FGF14: variants seen among roughly 807,000 people sequenced by gnomAD.
FGF14 encodes the protein fibroblast growth factor 14.
A neutral mutation model predicts 25.5 loss-of-function variants in FGF14; 5 were observed. The ratio of observed to expected loss-of-function variants is 0.20; its 90% CI spans 0.10 to 0.41. The LOEUF (loss-of-function observed/expected upper bound fraction) is 0.41, where lower values mean the gene tolerates loss of function less well. Among genes scored for constraint, FGF14 ranks in the 10% least tolerant of loss-of-function variants. The probability of loss-of-function intolerance (pLI) is 1.00; values close to 1 mark genes in which losing one functional copy is unlikely to be tolerated. For missense variants in FGF14, 222 were observed against 320.1 expected, an observed-to-expected ratio of 0.69 and a Z score of 2.34; for synonymous variants, 138 against 118.3, an observed-to-expected ratio of 1.17 and a Z score of -1.08.
In FGF14 at chr13:102,119,412, C is replaced by G. The variant is rs1275106499; in HGVS notation, c.209-244116G>C. 2.0e-5 allele frequency among the ~76,000 whole-genome samples: 3 copies of G among 152,012 alleles called. No individual in the cohort carries two copies. The South Asian group carries it at 6.2e-4, about 32-fold the overall frequency. On this transcript the variant is annotated intron_variant, in intron 1 of 4. Coordinates refer to the FGF14 transcript ENST00000376131. Reference sequence around the variant, plus strand: ...CACAATAACCAATGCAATGCAATAACCTTGATTGGATCCTGGATAAGAAAA... The same window carrying G: ...CACAATAACCAATGCAATGCAATAAGCTTGATTGGATCCTGGATAAGAAAA...
chr13:101,913,685 C>T (rs1169562592), intron 1 of FGF14, among the ~76,000 whole-genome samples: 3 of 151,830 alleles, frequency 2.0e-5, no homozygotes, highest in African/African-American at 7.3e-5. Flanking sequence ...GGTCTCTGCA[C>T]ACACATTGCT....
chr13:101,844,318 G>T (rs1410014142), intron 3 of FGF14, among the ~76,000 whole-genome samples: 1 of 151,996 alleles, frequency 6.6e-6, no homozygotes, highest in Non-Finnish European at 1.5e-5. Flanking sequence ...AAACATGTTT[G>T]TTGCACTCTC....
intron 1 of FGF14, among the ~76,000 whole-genome samples, chr13:102,123,900 G>A (rs558291059): frequency 3.2e-4 from 48 of 152,234 alleles, no homozygotes; most frequent in South Asian, 1.0e-3. Flanking sequence ...ATAAATGATC[G>A]TAGTTAATGG....
intron 2 of FGF14, among the ~76,000 whole-genome samples, chr13:101,871,580 T>C (rs1387461501): frequency 6.6e-6 from 1 of 151,982 alleles, no homozygotes; most frequent in Non-Finnish European, 1.5e-5. Context: ...GTTAATAGTG[T>C]ATTGATATCT....
At chr13:102,401,829 GA>G (rs1331324353), upstream of FGF14, 16 of 713,156 alleles carry the variant, frequency 2.2e-5, no homozygotes, top group East Asian at 4.0e-4. Flanking sequence ...AAGGGTTGGA[GA>G]AAAAATCCTT....
chr13:101,783,401 C>T (rs1251094159), intron 3 of FGF14, among the ~76,000 whole-genome samples: 1 of 150,536 alleles, frequency 6.6e-6, no homozygotes, highest in African/African-American at 2.4e-5. Flanking sequence ...ACCCAGGAGG[C>T]GGAGATTGCA....
chr13:101,812,296 A>T (rs774573289), intron 3 of FGF14, among the ~76,000 whole-genome samples: 1 of 152,094 alleles, frequency 6.6e-6, no homozygotes, highest in East Asian at 1.9e-4. Flanking sequence ...TCTGAGGACC[A>T]TAGACTCCCA....
chr13:101,728,887 G>C (rs1439566292), intron 3 of FGF14, among the ~76,000 whole-genome samples: 1 of 152,076 alleles, frequency 6.6e-6, no homozygotes, highest in Non-Finnish European at 1.5e-5. Context: ...ATTCTCTTCT[G>C]ATCGTCACTG....
intron 1 of FGF14, among the ~76,000 whole-genome samples, chr13:102,057,399 T>C (rs1232858800): frequency 1.3e-5 from 2 of 152,184 alleles, no homozygotes; most frequent in Admixed American, 6.5e-5. Context: ...GCTCTTTACG[T>C]GTATGGAATA....
chr13:102,047,148 C>A (rs983724651), intron 1 of FGF14, among the ~76,000 whole-genome samples: 43 of 151,866 alleles, frequency 2.8e-4, no homozygotes, highest in African/African-American at 1.0e-3. Flanking sequence ...GATAAGAGAA[C>A]AAAATATTTA....
chr13:101,771,513 C>T (rs907864790), intron 3 of FGF14, among the ~76,000 whole-genome samples: 2 of 152,026 alleles, frequency 1.3e-5, no homozygotes, highest in African/African-American at 4.8e-5. Context: ...CTAAAATGAA[C>T]ACTTTAAATA....
chr13:102,059,589 G>A (rs922367895), intron 1 of FGF14, among the ~76,000 whole-genome samples: 1 of 152,188 alleles, frequency 6.6e-6, no homozygotes, highest in Non-Finnish European at 1.5e-5. Context: ...AGTGACTCAC[G>A]CCTGTAATCC....
In FGF14 at chr13:102,039,385, G is replaced by A. The variant is rs188271957; in HGVS notation, c.209-164089C>T. Among the ~76,000 whole-genome samples, 1,189 of 152,186 alleles carry A rather than the reference G, an allele frequency of 7.8e-3. 9 individuals are homozygous for A. The highest frequency in any genetic ancestry group is 0.027 in the African/African-American group (1,119 of 41,524). ...CTCCTGTAAGGAAGTACTACAGACC[G>A]CGTGGCTCAGAACAGCAGGCATTCA... On this transcript the variant is annotated intron_variant, in intron 1 of 4. Coordinates refer to the FGF14 transcript ENST00000376131.
In FGF14 at chr13:101,916,407, G is replaced by A. The variant is rs186807535; in HGVS notation, c.193+46C>T. On this transcript the variant is annotated intron_variant, in intron 1 of 4. Transcript: ENST00000376143. ...CCTGGAGAAGCTCCGTTTAGGCGGGGAGGGGGCGACCCGGGGCGCATCTCC... is the reference window on the plus strand; with the variant it reads ...CCTGGAGAAGCTCCGTTTAGGCGGGAAGGGGGCGACCCGGGGCGCATCTCC... The A allele has an allele frequency of 1.3e-3, 2,163 of 1,606,830 alleles. 25 individuals carry two copies. In the African/African-American group the frequency reaches 0.023, roughly 17 times the overall value.
At chr13:101,777,971 A>C (rs1472562262) in intron 3 of FGF14, among the ~76,000 whole-genome samples, 1 of 152,124 alleles carries the variant, frequency 6.6e-6, no homozygotes, top group Non-Finnish European at 1.5e-5. Flanking sequence ...TCTCAAAATA[A>C]AATAAAATAA....
chr13:102,230,754 C>A (rs920375664), intron 1 of FGF14, among the ~76,000 whole-genome samples: 1 of 152,148 alleles, frequency 6.6e-6, no homozygotes, highest in Admixed American at 6.5e-5. Context: ...TAGATGGAAA[C>A]CCTCTGAGCA....
chr13:101,857,987 T>C (rs960300669), intron 3 of FGF14, among the ~76,000 whole-genome samples: 8 of 152,022 alleles, frequency 5.3e-5, no homozygotes, highest in African/African-American at 1.9e-4. Flanking sequence ...ATAAGAATTG[T>C]TTTAGTTATT....
intron 1 of FGF14, among the ~76,000 whole-genome samples, chr13:101,902,512 A>G (rs1402750763): frequency 2.0e-5 from 3 of 152,240 alleles, no homozygotes; most frequent in African/African-American, 7.2e-5. Context: ...TCATGAAACA[A>G]GATGCTTGCA....
intron 1 of FGF14, among the ~76,000 whole-genome samples, chr13:102,281,099 T>C (rs2053810965): frequency 6.6e-6 from 1 of 152,222 alleles, no homozygotes; most frequent in African/African-American, 2.4e-5. Context: ...GTTTCAGTAG[T>C]AATATTTTCA....
Sources: gnomAD v4.1 joint callset for allele counts (sites outside exome capture counted in the v4.1 genomes callset) on GRCh38, gnomAD v4.1.1 for gene constraint, MANE v1.5 for transcripts, NCBI Gene and HGNC (gene_info 2026-07-23, HGNC 2026-07-21) for gene names.